The following SALL4 variants were observed in gnomAD, a reference collection of about 807,000 sequenced individuals.
The protein encoded by SALL4 is spalt like transcription factor 4, also known as sal-like protein 4.
Under a neutral mutation model 60.8 loss-of-function variants are expected in SALL4, and 4 were observed. The observed-to-expected ratio is 0.07, with a 90% CI of 0.03 to 0.15. The LOEUF (loss-of-function observed/expected upper bound fraction) is 0.15. Among genes scored for constraint, SALL4 ranks in the 10% least tolerant of loss-of-function variants. SALL4 has a pLI of 1.00. For synonymous variants in SALL4, 580 were observed against 574.9 expected, an observed-to-expected ratio of 1.01 and a Z score of -0.13; for missense variants, 1,178 against 1,394.7, an observed-to-expected ratio of 0.84 and a Z score of 2.48.
In SALL4 at chr20:51,783,300, C is replaced by T. The variant is rs2077966536; in HGVS notation, c.*965G>A. 1 of 152,142 alleles carries T rather than the reference C, an allele frequency of 6.6e-6. No homozygotes were observed. The highest frequency in any genetic ancestry group is 1.9e-4 in the East Asian group (1 of 5,194). 9.4% of individuals were successfully genotyped at this position (152,142 alleles called of 1,614,324 possible). On this transcript the variant is annotated 3_prime_UTR_variant, in exon 4 of 4. Coordinates refer to ENST00000217086, the MANE Select transcript of SALL4 (RefSeq NM_020436.5). The stretch of plus-strand genomic sequence containing the variant: ...TGAACTGTATTTAAATAAGCAGCAA[C>T]ACACACATTGACTCCCTAAGGACTA...
chr20:51,794,400 A>G (rs1356852685), intron 1 of SALL4, among the ~76,000 whole-genome samples: 1 of 152,134 alleles, frequency 6.6e-6, no homozygotes, highest in Non-Finnish European at 1.5e-5. Flanking sequence ...CTAAAACTAT[A>G]AACTTAGCCC....
rs762884915 is a variant in SALL4 at position 51,790,786 on chromosome 20, T to C, written c.1697A>G (p.Asn566Ser). Residue 566 changes from asparagine to serine, a missense_variant, in exon 2 of 4, where the codon AAC becomes AGC. By Grantham distance (46) the Asn-to-Ser change is conservative. This residue lies in a region of SALL4 where 853 missense variants were observed against 1,036.8 expected (regional missense o/e 0.82). Coordinates refer to ENST00000217086, the MANE Select transcript of SALL4 (RefSeq NM_020436.5). This position sits in a 1 kb window ranked among gnomAD's most constrained non-coding sequence, Gnocchi z 5.5. ...ENIDKATTDP[N>S]ECLICHRVLS... ...GACTCGGTGGCAAATGAGACATTCGTTGGGATCAGTGGTGGCCTTGTCAAT... is the reference window on the plus strand; with the variant it reads ...GACTCGGTGGCAAATGAGACATTCGCTGGGATCAGTGGTGGCCTTGTCAAT... 14 of 1,613,902 alleles carry C rather than the reference T, an allele frequency of 8.7e-6. No homozygotes were observed. The highest frequency in any genetic ancestry group is 1.2e-5 in the Non-Finnish European group (14 of 1,180,004).
At chr20:51,795,935 C>A (rs1004496593) in intron 1 of SALL4, among the ~76,000 whole-genome samples, 12 of 152,138 alleles carry the variant, frequency 7.9e-5, no homozygotes, top group Admixed American at 2.6e-4. Context: ...TGGCTCACAC[C>A]TGTAATCCCA....
At chr20:51,798,840 C>A (rs1250044121) in intron 1 of SALL4, among the ~76,000 whole-genome samples, 1 of 150,004 alleles carries the variant, frequency 6.7e-6, no homozygotes, top group Non-Finnish European at 1.5e-5. Context: ...TTTTAAAAAA[C>A]CAATAAAAAC....
rs560163619 is a variant in SALL4 at position 51,788,365 on chromosome 20, G to A, written c.2742+496C>T. ...TGTGTGTGTGTGTGTGTGTAAAGAC[G>A]TTGTCTCCCTATGTTGCCAGGCTGG... On this transcript the variant is annotated intron_variant, in intron 3 of 3. Transcript: ENST00000217086. This position sits in a 1 kb window ranked among gnomAD's most constrained non-coding sequence, Gnocchi z 4.1. 9.5e-5 allele frequency among the ~76,000 whole-genome samples: 14 copies of A among 147,746 alleles called. No homozygotes were observed. The East Asian group carries it at 2.2e-3, about 24-fold the overall frequency.
Position 51,792,177 on chromosome 20 carries a change from G to C in SALL4, c.306C>G (p.Ile102Met), listed in dbSNP as rs753713413. ...KNCTKNPPVL[I>M]MNDSEGPVPS... is the part of the protein sequence containing the mutation. ...GCACAGGCCCCTCGCTGTCATTCAT[G>C]ATGAGGACAGGTGGATTTTTAGTGC... Residue 102 changes from isoleucine (I) to methionine (M), a missense_variant, in exon 2 of 4, where the codon ATC (isoleucine) becomes ATG (methionine). This residue lies in a region of SALL4 where 853 missense variants were observed against 1,036.8 expected (regional missense o/e 0.82). Coordinates refer to ENST00000217086, the MANE Select transcript of SALL4 (RefSeq NM_020436.5). 5.6e-6 allele frequency: 9 copies of C among 1,614,192 alleles called. No homozygotes were observed. Among genetic ancestry groups the C allele is most frequent in the Non-Finnish European group, 7.6e-6 (9 of 1,180,044 alleles).
Position 51,784,409 on chromosome 20 carries a change from G to C in SALL4, c.3018C>G (p.Ser1006=), listed in dbSNP as rs141101879. Residue 1006 remains serine (S), a synonymous_variant, in exon 4 of 4, where the codon TCC becomes TCG. Coordinates refer to ENST00000217086, the MANE Select transcript of SALL4 (RefSeq NM_020436.5). ...PTLPVSLGAT[S]VVNNATVSKM... ...TGGAGACAGTGGCGTTATTCACAAC[G>C]GAGGTGGCCCCCAAGGAAACCGGGA... 6.2e-7 allele frequency: 1 copy of C among 1,614,052 alleles called. No homozygotes were observed. Among genetic ancestry groups the C allele is most frequent in the African/African-American group, 1.3e-5 (1 of 74,914 alleles).
Position 51,792,047 on chromosome 20 carries a change from TCTC to T in SALL4, c.433_435del (p.Glu145del). 6.2e-7 allele frequency: 1 copy of T among 1,614,154 alleles called. No individual in the cohort carries two copies. Among genetic ancestry groups the T allele is most frequent in the Admixed American group, 1.7e-5 (1 of 60,018 alleles). ...TACACCACAGACTCCGCATCCGGCT[TCTC>T]CTTCATGTCCTCTGAGCTGCCGCCA... On this transcript the variant is annotated inframe_deletion, in exon 2 of 4. Transcript: ENST00000217086.
rs1426042534 is a variant in SALL4, at chr20:51,783,149, AG to A, written c.*1115del. On this transcript the variant is annotated 3_prime_UTR_variant, in exon 4 of 4. Transcript: ENST00000217086. ...GAGCATGAAAACCCAGTTCTTCAAT[AG>A]AGTAGGCACTGGCAAACTAAGTCAC... is the stretch of plus-strand genomic sequence containing the variant. 1 of 152,134 alleles carries A rather than the reference AG, an allele frequency of 6.6e-6. No homozygotes were observed. Among genetic ancestry groups the A allele is most frequent in the Non-Finnish European group, 1.5e-5 (1 of 68,030 alleles). 9.4% of individuals were successfully genotyped at this position (152,134 alleles called of 1,614,324 possible). A position where few individuals can be genotyped will look rare whatever the true frequency, so the allele number is the denominator to read the frequency against.
intron 1 of SALL4, 75 bp downstream of exon 1, chr20:51,802,204 A>G (rs911721971): frequency 1.3e-6 from 2 of 1,493,702 alleles, no homozygotes; most frequent in Non-Finnish European, 8.9e-7. Context: ...CCGCTCCCCG[A>G]AGCCTGCGCC....
Position 51,790,227 on chromosome 20 carries a change from A to G in SALL4, c.2256T>C (p.Gly752=). 1.2e-6 allele frequency: 2 copies of G among 1,614,118 alleles called. No individual in the cohort carries two copies. The highest frequency in any genetic ancestry group is 8.5e-7 in the Non-Finnish European group (1 of 1,180,018). Residue 752 remains glycine (G), a synonymous_variant, in exon 2 of 4, where the codon GGT becomes GGC. Transcript: ENST00000217086. The surrounding 1 kb of genome is among the most constrained non-coding windows in gnomAD (Gnocchi z 5.5). ...NLQRQGSREN[G]SVESDGLTND... is the part of the protein sequence containing the mutation. ...TGGTCAAGCCATCGCTCTCCACGGA[A>G]CCGTTTTCTCTGCTGCCCTGGCGCT...
chr20:51,798,478 T>G (rs2078091864), intron 1 of SALL4, among the ~76,000 whole-genome samples: 1 of 152,054 alleles, frequency 6.6e-6, no homozygotes. Flanking sequence ...GGGGGGATTG[T>G]GGTGACTGGC....
chr20:51,789,074 G>C lies in SALL4; in HGVS notation c.2529C>G (p.Gly843=). The change falls in exon 3 of 4, where the codon GGC becomes GGG. Residue 843 remains glycine (G), a synonymous_variant. Transcript: ENST00000217086. ...ACAATGTCGAGGGTCCCACAAATGT[G>C]CCAGGAACTTCAACCTTGACATAGG... The part of the protein sequence containing the change: ...PPTYVKVEVP[G]TFVGPSTLSP... 2.5e-6 allele frequency: 4 copies of C among 1,614,186 alleles called. No homozygotes were observed. Among genetic ancestry groups the C allele is most frequent in the Non-Finnish European group, 3.4e-6 (4 of 1,180,032 alleles).
intron 1 of SALL4, among the ~76,000 whole-genome samples, chr20:51,800,940 C>T (rs1568870380): frequency 6.6e-6 from 1 of 152,144 alleles, no homozygotes. Context: ...CAGTCTCCGA[C>T]AAAAAGGCGG....
intron 1 of SALL4, among the ~76,000 whole-genome samples, chr20:51,794,596 CAG>C (rs2078069172): frequency 6.6e-6 from 1 of 152,058 alleles, no homozygotes; most frequent in Non-Finnish European, 1.5e-5. Context: ...ATGTGAAAAA[CAG>C]AGACTCTGAG....
rs369810955 is a variant in SALL4 at position 51,784,571 on chromosome 20, G to A, written c.2856C>T (p.Ile952=). 3 of 1,614,186 alleles carry A rather than the reference G, an allele frequency of 1.9e-6. No individual in the cohort carries two copies. Among genetic ancestry groups the A allele is most frequent in the South Asian group, 1.1e-5 (1 of 91,076 alleles). Residue 952 remains isoleucine (I), a synonymous_variant, in exon 4 of 4, where the codon ATC becomes ATT. Transcript: ENST00000217086. ...LGTDGKRVSE[I]FPKEILAPSV... Reference sequence around the variant, plus strand: ...AAGGGGCCAGGATTTCCTTGGGAAAGATTTCTGAGACTCTTTTTCCGTCCG... The same window carrying A: ...AAGGGGCCAGGATTTCCTTGGGAAAAATTTCTGAGACTCTTTTTCCGTCCG...
intron 3 of SALL4, among the ~76,000 whole-genome samples, chr20:51,786,510 G>T (rs1175103123): frequency 6.6e-6 from 1 of 152,206 alleles, no homozygotes; most frequent in Non-Finnish European, 1.5e-5. Context: ...GGGATTACAG[G>T]CATGAGCCAC....
chr20:51,802,310 C>T lies in SALL4; in HGVS notation c.99G>A (p.Ala33=). Residue 33 remains alanine (A), a synonymous_variant, in exon 1 of 4, where the codon GCG becomes GCA. Coordinates refer to ENST00000217086, the MANE Select transcript of SALL4 (RefSeq NM_020436.5). ...PQQQTPEFAD[A]APAAPAAGEL... ...CCCCCGCCGCGGGCGCCGCTGGGGC[C>T]GCATCTGCAAACTCCGGGGTCTGCT... The T allele has an allele frequency of 6.2e-7, 1 of 1,609,560 alleles. No homozygotes were observed. The highest frequency in any genetic ancestry group is 1.1e-5 in the South Asian group (1 of 90,844).
Position 51,802,327 on chromosome 20 carries a change from G to C in SALL4, c.82C>G (p.Pro28Ala). The C allele has an allele frequency of 6.2e-7, 1 of 1,610,782 alleles. No homozygotes were observed. The highest frequency in any genetic ancestry group is 8.5e-7 in the Non-Finnish European group (1 of 1,179,704). The change falls in exon 1 of 4, where the codon CCG becomes GCG. Residue 28 changes from proline to alanine, a missense_variant. Pro to Ala is a conservative substitution (Grantham distance 27). Around this residue, in one of 5 missense-constraint regions of SALL4, gnomAD observed 108 missense variants for 95.7 expected, o/e 1.13. Coordinates refer to ENST00000217086, the MANE Select transcript of SALL4 (RefSeq NM_020436.5). ...GCTGGGGCCGCATCTGCAAACTCCG[G>C]GGTCTGCTGCTGCGGCTGCTGCTCG... ...QGEQQPQQQT[P>A]EFADAAPAAP...
Sources: allele counts gnomAD v4.1 joint callset (sites outside exome capture counted in the v4.1 genomes callset), GRCh38; gene constraint gnomAD v4.1.1; regional missense constraint gnomAD v4.1.1; non-coding constraint Gnocchi (gnomAD v3.1); transcripts MANE v1.5; gene names NCBI Gene and HGNC (gene_info 2026-07-23, HGNC 2026-07-21).